ITGA6: variants seen among roughly 807,000 people sequenced by gnomAD.
The protein encoded by ITGA6 is integrin alpha-6.
ITGA6 carries 63 observed loss-of-function variants against 133.6 expected under a neutral mutation model. The observed-to-expected ratio is 0.47, with a 90% CI of 0.38 to 0.58. ITGA6 has a LOEUF of 0.58. ITGA6 is among the 20% of genes least tolerant of loss of function. The probability of loss-of-function intolerance (pLI) is 0.00; values close to 1 mark genes in which losing one functional copy is unlikely to be tolerated. For missense variants in ITGA6, 1,068 were observed against 1,309.4 expected, an observed-to-expected ratio of 0.82 and a Z score of 2.85; for synonymous variants, 434 against 482.0, an observed-to-expected ratio of 0.90 and a Z score of 1.30.
chr2:172,491,235 C>A lies in ITGA6; in HGVS notation c.2793C>A (p.Asn931Lys). Residue 931 changes from asparagine to lysine, a missense_variant, in exon 22 of 26, where the codon AAC becomes AAA. Around this residue, in one of 3 missense-constraint regions of ITGA6, gnomAD observed 609 missense variants for 707.2 expected, o/e 0.86. Coordinates refer to ENST00000684293, the MANE Select transcript of ITGA6 (RefSeq NM_000210.4). This position sits in a 1 kb window ranked among gnomAD's most constrained non-coding sequence, Gnocchi z 4.4. ...TTTCTCTCTAGAACTGTAGCGTGAA[C>A]GTGAACTGTGTGAACATCAGATGCC... ...RKYQTLNCSVNVNCVNIRCPL... is the reference protein window; with the variant it reads ...RKYQTLNCSVKVNCVNIRCPL... The A allele has an allele frequency of 6.2e-7, 1 of 1,607,886 alleles. No homozygotes were observed. The highest frequency in any genetic ancestry group is 8.5e-7 in the Non-Finnish European group (1 of 1,174,440).
rs749572405 is a variant in ITGA6 at position 172,505,002 on chromosome 2, T to C, written c.*934T>C. The C allele has an allele frequency of 2.0e-5, 3 of 152,632 alleles. No individual in the cohort carries two copies. The highest frequency in any genetic ancestry group is 4.4e-5 in the Non-Finnish European group (3 of 68,036). 9.5% of individuals were successfully genotyped at this position (152,632 alleles called of 1,614,324 possible). ...GGTTTAATCAATCAGAATTAGAGCA[T>C]GGGAGGTCATCACTTTGACCTAAAT... On this transcript the variant is annotated 3_prime_UTR_variant, in exon 26 of 26. Transcript: ENST00000684293.
At chr2:172,431,650 C>G (rs1474445244) in intron 1 of ITGA6, among the ~76,000 whole-genome samples, 1 of 152,200 alleles carries the variant, frequency 6.6e-6, no homozygotes, top group African/African-American at 2.4e-5. Flanking sequence ...TGCATTTATT[C>G]ACTCGGAGTG....
intron 1 of ITGA6, among the ~76,000 whole-genome samples, chr2:172,437,469 A>C (rs973142171): frequency 6.6e-6 from 1 of 152,176 alleles, no homozygotes; most frequent in Non-Finnish European, 1.5e-5. Context: ...AATGTGTCCA[A>C]AGTTTTTGAC....
rs193074702 is a variant in ITGA6, at chr2:172,451,015, C to T, written c.183-14524C>T. ...TATACACACACAAAAATTAGCTGGACGTGGGGGCACATTCCTGTAATTCCA... is the reference window on the plus strand; with the variant it reads ...TATACACACACAAAAATTAGCTGGATGTGGGGGCACATTCCTGTAATTCCA... On this transcript the variant is annotated intron_variant, in intron 1 of 25. Transcript: ENST00000684293. 9.5e-4 allele frequency among the ~76,000 whole-genome samples: 141 copies of T among 148,286 alleles called. 1 individual carries two copies. The highest frequency in any genetic ancestry group is 3.2e-3 in the African/African-American group (129 of 40,426).
At position 172,474,211 on chromosome 2, in the gene ITGA6, G is replaced by C. The variant is rs149809522; in HGVS notation, c.932G>C (p.Gly311Ala). The C allele has an allele frequency of 1.2e-5, 20 of 1,614,008 alleles. No individual in the cohort carries two copies. The highest frequency in any genetic ancestry group is 1.7e-5 in the Non-Finnish European group (20 of 1,180,038). ...CCTGAGCACATATTCGATGGAGAAGGTCTGGCCTCTTCATTTGGCTATGAT... is the reference window on the plus strand; with the variant it reads ...CCTGAGCACATATTCGATGGAGAAGCTCTGGCCTCTTCATTTGGCTATGAT... ...LLPEHIFDGE[G>A]LASSFGYDVA... is the part of the protein sequence containing the mutation. Residue 311 changes from glycine (G) to alanine (A), a missense_variant, in exon 6 of 26, where the codon GGT becomes GCT. Coordinates refer to ENST00000684293, the MANE Select transcript of ITGA6 (RefSeq NM_000210.4).
chr2:172,472,436 A>C (rs1193111494), intron 5 of ITGA6, among the ~76,000 whole-genome samples: 2 of 152,258 alleles, frequency 1.3e-5, no homozygotes, highest in African/African-American at 4.8e-5. Context: ...TTATAAATTT[A>C]CTTGCTGTCA....
chr2:172,462,407 G>A (rs1685465414), intron 1 of ITGA6, among the ~76,000 whole-genome samples: 1 of 152,192 alleles, frequency 6.6e-6, no homozygotes, highest in Admixed American at 6.5e-5. Context: ...TTCTCTGTGG[G>A]TACATTTCTC....
At chr2:172,445,340 T>C (rs1165603407) in intron 1 of ITGA6, among the ~76,000 whole-genome samples, 4 of 121,784 alleles carry the variant, frequency 3.3e-5, no homozygotes, top group Admixed American at 2.9e-4. Flanking sequence ...TTTCTTTTCT[T>C]TTTTTTTTTT....
chr2:172,447,433 G>A (rs1160765504), intron 1 of ITGA6, among the ~76,000 whole-genome samples: 1 of 152,092 alleles, frequency 6.6e-6, no homozygotes, highest in Non-Finnish European at 1.5e-5. Context: ...TCGAACTCCT[G>A]ATCTCAAGTG....
intron 1 of ITGA6, among the ~76,000 whole-genome samples, chr2:172,449,499 G>T (rs1004538988): frequency 6.6e-6 from 1 of 152,164 alleles, no homozygotes; most frequent in African/African-American, 2.4e-5. Flanking sequence ...TGCCCATGGA[G>T]CTAACAGCAT....
intron 20 of ITGA6, 158 bp downstream of exon 20, chr2:172,489,816 G>A: frequency 5.9e-6 from 4 of 676,924 alleles, no homozygotes; most frequent in Non-Finnish European, 1.0e-5. Context: ...GGGTAACTGA[G>A]GGAGGCTGAG....
At chr2:172,427,385 C>T, upstream of ITGA6, 1 of 1,014,846 alleles carries the variant, frequency 9.9e-7, no homozygotes, top group Non-Finnish European at 1.2e-6. Flanking sequence ...CGCAGTGGGG[C>T]TGCTTCGCCG....
At chr2:172,476,543 A>T in intron 9 of ITGA6, 30 bp downstream of exon 9, 2 of 1,243,648 alleles carry the variant, frequency 1.6e-6, no homozygotes, top group Non-Finnish European at 2.4e-6. Context: ...AGTGTTAAGC[A>T]TGTTCTATAA....
At chr2:172,445,925 T>C (rs187253622) in intron 1 of ITGA6, among the ~76,000 whole-genome samples, 2 of 152,364 alleles carry the variant, frequency 1.3e-5, no homozygotes, top group Non-Finnish European at 2.9e-5. Context: ...AGCAGCAGTG[T>C]GATGCTTTGT....
intron 2 of ITGA6, 67 bp from the exon 3 acceptor site, chr2:172,467,413 AT>A: frequency 1.6e-6 from 2 of 1,216,478 alleles, no homozygotes; most frequent in Non-Finnish European, 2.4e-6. Flanking sequence ...AGTTGCTTGT[AT>A]TTTTGTTCAG....
chr2:172,467,597 G>A, intron 3 of ITGA6, 37 bp downstream of exon 3: 2 of 1,511,364 alleles, frequency 1.3e-6, no homozygotes, highest in Admixed American at 1.7e-5. Flanking sequence ...TATACTGTTG[G>A]ACTGCTGGTT....
chr2:172,470,988 GAGCAAAAGAAT>G lies in ITGA6; in HGVS notation c.660_670del (p.Gln221HisfsTer4), dbSNP rs1559137287. The G allele has an allele frequency of 6.2e-7, 1 of 1,613,976 alleles. No individual in the cohort carries two copies. ...CATTCCTTTAGGGATTGTTCGTGTA[GAGCAAAAGAAT>G]AACACTTTTTTTGACATGAACATCT... On this transcript the variant is annotated frameshift_variant, in exon 5 of 26. Transcript: ENST00000684293. LOFTEE classifies it high-confidence loss of function.
At chr2:172,468,722 C>G (rs1337642281) in intron 3 of ITGA6, among the ~76,000 whole-genome samples, 1 of 152,200 alleles carries the variant, frequency 6.6e-6, no homozygotes, top group Non-Finnish European at 1.5e-5. Context: ...TTTCTCTCCT[C>G]TAGAACATAA....
At chr2:172,496,436 T>G (rs1401209185) in intron 23 of ITGA6, among the ~76,000 whole-genome samples, 1 of 152,224 alleles carries the variant, frequency 6.6e-6, no homozygotes, top group Non-Finnish European at 1.5e-5. Flanking sequence ...TTGCTGCTTT[T>G]AAGTATTTTT....
Sources: allele counts gnomAD v4.1 joint callset (sites outside exome capture counted in the v4.1 genomes callset), GRCh38; gene constraint gnomAD v4.1.1; regional missense constraint gnomAD v4.1.1; non-coding constraint Gnocchi (gnomAD v3.1); transcripts MANE v1.5; gene names NCBI Gene and HGNC (gene_info 2026-07-23, HGNC 2026-07-21).